The following NQO2 variants were observed in gnomAD, a reference collection of about 807,000 sequenced individuals.
The protein encoded by NQO2 is N-ribosyldihydronicotinamide:quinone dehydrogenase 2, also known as ribosyldihydronicotinamide dehydrogenase [quinone].
In NQO2, 18 loss-of-function variants were observed where a neutral mutation model predicts 22.0. The observed-to-expected ratio is 0.82, with a 90% CI of 0.56 to 1.21. The LOEUF (loss-of-function observed/expected upper bound fraction) is 1.21, where lower values mean the gene tolerates loss of function less well. Among genes scored for constraint, NQO2 ranks in the 50% most tolerant of loss-of-function variants. The probability of loss-of-function intolerance (pLI) is 0.00; values close to 1 mark genes in which losing one functional copy is unlikely to be tolerated. For synonymous variants in NQO2, 106 were observed against 110.8 expected (o/e 0.96, Z 0.28); for missense variants, 267 against 286.9 (o/e 0.93, Z 0.50).
At chr6:3,015,950 C>T (rs568831567) in intron 5 of NQO2, among the ~76,000 whole-genome samples, 3 of 152,290 alleles carry the variant, frequency 2.0e-5, no homozygotes, top group African/African-American at 7.2e-5. Flanking sequence ...ACCCGGTGGC[C>T]AGCCCTGGCT....
chr6:3,017,029 C>T (rs766603376), intron 6 of NQO2, 44 bp downstream of exon 6: 3 of 1,596,486 alleles, frequency 1.9e-6, no homozygotes, highest in East Asian at 2.3e-5. Context: ...GGCACACGCA[C>T]ACACAGACAC....
In NQO2 at chr6:3,016,979, A is replaced by T; in HGVS notation, c.513A>T (p.Pro171=). 1 of 1,613,784 alleles carries T rather than the reference A, an allele frequency of 6.2e-7. No individual in the cohort carries two copies. The highest frequency in any genetic ancestry group is 8.5e-7 in the Non-Finnish European group (1 of 1,179,950). Residue 171 remains proline, a synonymous_variant, in exon 6 of 7, where the codon CCA becomes CCT. Transcript: ENST00000380455. The part of the protein sequence containing the change: ...VNGDSRYFLW[P]LQHGTLHFCG... ...GAGATTCTCGATACTTCCTGTGGCCACTCCAGGTAGACCAGCTGCGAGTGG... is the reference window on the plus strand; with the variant it reads ...GAGATTCTCGATACTTCCTGTGGCCTCTCCAGGTAGACCAGCTGCGAGTGG...
At chr6:3,004,830 A>G (rs1201152927) in intron 1 of NQO2, among the ~76,000 whole-genome samples, 1 of 152,130 alleles carries the variant, frequency 6.6e-6, no homozygotes, top group Non-Finnish European at 1.5e-5. Context: ...GGTACAGAAC[A>G]TCTCACATAA....
At chr6:3,016,645 C>T (rs1757337302) in intron 5 of NQO2, 1 of 617,944 alleles carries the variant, frequency 1.6e-6, no homozygotes, top group African/African-American at 2.0e-5. Flanking sequence ...CAGGTTTCCA[C>T]CAGCAACCTG....
At chr6:3,014,386 T>G (rs1757254594) in intron 4 of NQO2, among the ~76,000 whole-genome samples, 2 of 152,270 alleles carry the variant, frequency 1.3e-5, no homozygotes, top group South Asian at 2.1e-4. Context: ...CATCTCCGTC[T>G]TAATACCATG....
At chr6:3,000,938 G>A (rs1009595108) in intron 1 of NQO2, among the ~76,000 whole-genome samples, 3 of 151,918 alleles carry the variant, frequency 2.0e-5, no homozygotes, top group African/African-American at 7.3e-5. Flanking sequence ...TGCCTTCCAG[G>A]TTCAAGCGAT....
intron 2 of NQO2, among the ~76,000 whole-genome samples, chr6:3,008,283 G>A (rs1757015813): frequency 6.6e-6 from 1 of 152,100 alleles, no homozygotes; most frequent in African/African-American, 2.4e-5. Flanking sequence ...TCCGGGCGTG[G>A]TGGCGCATGC....
intron 3 of NQO2, 99 bp from the exon 4 acceptor site, chr6:3,012,445 T>C: frequency 1.3e-6 from 2 of 1,519,024 alleles, no homozygotes; most frequent in Non-Finnish European, 1.8e-6. Flanking sequence ...TGTCTTTGAC[T>C]TGTCTGAGGA....
chr6:3,002,835 GT>G (rs1490382660), intron 1 of NQO2, among the ~76,000 whole-genome samples: 1 of 151,166 alleles, frequency 6.6e-6, no homozygotes, highest in Non-Finnish European at 1.5e-5. Flanking sequence ...GCCTAACTCT[GT>G]CACCCAGTCT....
At chr6:3,001,336 C>T (rs1756706056) in intron 1 of NQO2, among the ~76,000 whole-genome samples, 1 of 152,134 alleles carries the variant, frequency 6.6e-6, no homozygotes, top group African/African-American at 2.4e-5. Context: ...GGTGATCCGC[C>T]TGCCTCGGCC....
At chr6:3,001,398 C>T (rs1756714238) in intron 1 of NQO2, among the ~76,000 whole-genome samples, 2 of 152,180 alleles carry the variant, frequency 1.3e-5, no homozygotes, top group Non-Finnish European at 1.5e-5. Context: ...AAATCAGCTT[C>T]TTTAACCTTT....
At position 2,999,931 on chromosome 6, in the gene NQO2, G is replaced by T; in HGVS notation, c.-240G>T. The stretch of plus-strand genomic sequence containing the variant: ...CTGCTTAGGTTGGCACCGGTCCGTG[G>T]TCCCCGGGGGCGCAGTCGCAGCGCT... On this transcript the variant is annotated 5_prime_UTR_variant, in exon 1 of 7. Coordinates refer to ENST00000380455, the MANE Select transcript of NQO2 (RefSeq NM_000904.6). 1 of 152,470 alleles carries T rather than the reference G, an allele frequency of 6.6e-6. No homozygotes were observed. Among genetic ancestry groups the T allele is most frequent in the Non-Finnish European group, 1.5e-5 (1 of 68,148 alleles). The allele number at this position is 152,470 out of a possible 1,614,324, so 9.4% of individuals were successfully genotyped here. A position where few individuals can be genotyped will look rare whatever the true frequency, so the allele number is the denominator to read the frequency against.
chr6:3,002,956 A>G (rs28383602), intron 1 of NQO2, among the ~76,000 whole-genome samples: 7,965 of 151,982 alleles, frequency 0.052, 276 homozygotes, highest in East Asian at 0.21. Context: ...GGATCTCACT[A>G]TGTTGCCCGG....
intron 4 of NQO2, among the ~76,000 whole-genome samples, chr6:3,014,041 G>T (rs1415001699): frequency 6.6e-6 from 1 of 152,320 alleles, no homozygotes; most frequent in Admixed American, 6.5e-5. Flanking sequence ...CCTGCTTGAG[G>T]ATGCGGAGTG....
rs1034916389 is a variant in NQO2, at chr6:3,004,515, C to T, written c.-85-1953C>T. The T allele has an allele frequency of 1.1e-5, 11 of 985,696 alleles. No individual in the cohort carries two copies. In the Admixed American group the frequency reaches 6.8e-4, roughly 61 times the overall value. The allele number at this position is 985,696 out of a possible 1,614,324, so 61.1% of individuals were successfully genotyped here. ...CACAGGGCACCTGGCCTGGGTGGAG[C>T]CCACTCCTCAGCACCCACCTCACTT... On this transcript the variant is annotated intron_variant, in intron 1 of 6. Coordinates refer to ENST00000380455, the MANE Select transcript of NQO2 (RefSeq NM_000904.6).
At chr6:3,007,587 A>G (rs1012367438) in intron 2 of NQO2, among the ~76,000 whole-genome samples, 1 of 152,254 alleles carries the variant, frequency 6.6e-6, no homozygotes, top group South Asian at 2.1e-4. Flanking sequence ...TTAATTAAGC[A>G]AATCACCAGG....
intron 6 of NQO2, among the ~76,000 whole-genome samples, chr6:3,018,872 A>G (rs1757431615): frequency 6.7e-6 from 1 of 148,394 alleles, no homozygotes; most frequent in Non-Finnish European, 1.5e-5. Flanking sequence ...TATTATGGCC[A>G]AAAAAAAAAG....
At position 3,012,673 on chromosome 6, in the gene NQO2, A is replaced by G. The variant is rs1277404471; in HGVS notation, c.302A>G (p.Gln101Arg). The change falls in exon 4 of 7, where the codon CAG becomes CGG. Residue 101 changes from glutamine to arginine, a missense_variant and splice_region_variant. Transcript: ENST00000380455. ...CGGGAGGCTGACCTAGTGATATTTC[A>G]GGTTTGTTTTTCTCTAATTAATATA... ...KVREADLVIFQFPLYWFSVPA... is the reference protein window; with the variant it reads ...KVREADLVIFRFPLYWFSVPA... The G allele has an allele frequency of 6.2e-6, 10 of 1,612,000 alleles. No individual in the cohort carries two copies. Among genetic ancestry groups the G allele is most frequent in the Non-Finnish European group, 8.5e-6 (10 of 1,179,242 alleles).
chr6:3,003,554 T>A (rs954404841), intron 1 of NQO2: 1 of 789,344 alleles, frequency 1.3e-6, no homozygotes, highest in Non-Finnish European at 1.5e-6. Context: ...CCAACTCTTC[T>A]GTTTTAGTGA....
Sources: gnomAD v4.1 joint callset for allele counts (sites outside exome capture counted in the v4.1 genomes callset) on GRCh38, gnomAD v4.1.1 for gene constraint, MANE v1.5 for transcripts, NCBI Gene and HGNC (gene_info 2026-07-23, HGNC 2026-07-21) for gene names.